The following HDAC9 variants were observed in gnomAD, a reference collection of about 807,000 sequenced individuals.
HDAC9 encodes histone deacetylase 9.
Under a neutral mutation model 139.4 loss-of-function variants are expected in HDAC9, and 41 were observed. The ratio of observed to expected loss-of-function variants is 0.29; its 90% CI spans 0.23 to 0.38. The LOEUF is 0.38. Among genes scored for constraint, HDAC9 ranks in the 10% least tolerant of loss-of-function variants. The probability of loss-of-function intolerance (pLI) is 1.00; values close to 1 mark genes in which losing one functional copy is unlikely to be tolerated. For synonymous variants in HDAC9, 517 were observed against 476.2 expected (o/e 1.09, Z -1.12); for missense variants, 1,147 against 1,297.0 (o/e 0.88, Z 1.78).
At chr7:18,548,294 C>A (rs1313793687) in intron 2 of HDAC9, among the ~76,000 whole-genome samples, 1 of 151,998 alleles carries the variant, frequency 6.6e-6, no homozygotes, top group Non-Finnish European at 1.5e-5. Context: ...TCAAAGATCA[C>A]TGATTACAGA....
rs111474339 is a variant in HDAC9, at chr7:18,407,329, G to T, written c.-41-88933G>T. ...TTCAAAATGTTATTTGAACATCTCT[G>T]CAGTAAGTATAGTTGTTCATCAGGG... On this transcript the variant is annotated intron_variant, in intron 1 of 3. Coordinates refer to the HDAC9 transcript ENST00000413509. 1.7e-3 allele frequency among the ~76,000 whole-genome samples: 254 copies of T among 152,280 alleles called. 1 individual carries two copies. The highest frequency in any genetic ancestry group is 2.6e-3 in the Non-Finnish European group (179 of 68,016).
At chr7:18,422,769 C>G (rs897984069) in intron 1 of HDAC9, among the ~76,000 whole-genome samples, 1 of 151,896 alleles carries the variant, frequency 6.6e-6, no homozygotes, top group Non-Finnish European at 1.5e-5. Context: ...CACACACACA[C>G]ACACACACAC....
intron 1 of HDAC9, among the ~76,000 whole-genome samples, chr7:18,090,349 CAA>C (rs1320047361): frequency 3.3e-5 from 5 of 152,080 alleles, no homozygotes; most frequent in Admixed American, 2.6e-4. Context: ...TTAAATCAGT[CAA>C]TATAGTCATA....
chr7:18,905,746 C>T (rs1301686113), intron 22 of HDAC9, among the ~76,000 whole-genome samples: 1 of 152,150 alleles, frequency 6.6e-6, no homozygotes, highest in Non-Finnish European at 1.5e-5. Flanking sequence ...GTATTTCAGC[C>T]ATCTGTGCAT....
intron 1 of HDAC9, among the ~76,000 whole-genome samples, chr7:18,316,442 T>G (rs1799642868): frequency 6.6e-6 from 1 of 152,078 alleles, no homozygotes; most frequent in African/African-American, 2.4e-5. Flanking sequence ...TATAATGGTT[T>G]TGTGCTGCAT....
At chr7:18,818,482 C>G (rs1456766928) in intron 17 of HDAC9, among the ~76,000 whole-genome samples, 1 of 152,168 alleles carries the variant, frequency 6.6e-6, no homozygotes, top group African/African-American at 2.4e-5. Context: ...ACACAATCAT[C>G]TCATCTCTTG....
chr7:18,590,603 T>C, intron 4 of HDAC9, 117 bp downstream of exon 4: 11 of 1,061,742 alleles, frequency 1.0e-5, no homozygotes, highest in Non-Finnish European at 1.5e-5. Context: ...TGTGTTTAAT[T>C]AAAAGCATAG....
chr7:18,938,893 C>A (rs1263071760), intron 23 of HDAC9, among the ~76,000 whole-genome samples: 1 of 152,190 alleles, frequency 6.6e-6, no homozygotes, highest in Non-Finnish European at 1.5e-5. Flanking sequence ...AGTGTGAGAC[C>A]TGTGCCTTTT....
chr7:18,612,057 A>G (rs967478945), intron 6 of HDAC9, among the ~76,000 whole-genome samples: 2 of 152,158 alleles, frequency 1.3e-5, no homozygotes, highest in Admixed American at 1.3e-4. Flanking sequence ...TGTAAATGTC[A>G]TAGTAGTGCC....
chr7:18,857,203 T>A (rs1037125126), intron 21 of HDAC9, among the ~76,000 whole-genome samples: 6 of 151,936 alleles, frequency 3.9e-5, no homozygotes, highest in Non-Finnish European at 8.8e-5. Flanking sequence ...TCTCTTTTTT[T>A]ATTTTTTTTT....
At chr7:18,623,424 T>G (rs922349718) in intron 6 of HDAC9, among the ~76,000 whole-genome samples, 3 of 152,174 alleles carry the variant, frequency 2.0e-5, no homozygotes, top group Non-Finnish European at 2.9e-5. Context: ...CTCTCTCTAC[T>G]TATTTTTTAT....
upstream of HDAC9, among the ~76,000 whole-genome samples, chr7:18,493,537 C>T (rs148343799): frequency 2.0e-5 from 3 of 151,816 alleles, no homozygotes; most frequent in Non-Finnish European, 4.4e-5. Flanking sequence ...AAGCCTCCTT[C>T]GTTTCCTCAT....
At chr7:18,552,604 C>G (rs1817512000) in intron 2 of HDAC9, among the ~76,000 whole-genome samples, 1 of 152,150 alleles carries the variant, frequency 6.6e-6, no homozygotes, top group South Asian at 2.1e-4. Context: ...TTCTGGTGAG[C>G]AATTTAACTG....
intron 1 of HDAC9, among the ~76,000 whole-genome samples, chr7:18,476,251 T>G (rs555075745): frequency 6.6e-6 from 1 of 152,274 alleles, no homozygotes; most frequent in South Asian, 2.1e-4. Context: ...TGGCATCACC[T>G]TGACAAATTC....
In HDAC9 at chr7:18,144,824, C is replaced by G. The variant is rs376822683; in HGVS notation, c.-96-17405C>G. ...CATCCTCTTTTTTTGCTTGCACAGTCACACATTCTGTTCCCTGTACCTTTT... is the reference window on the plus strand; with the variant it reads ...CATCCTCTTTTTTTGCTTGCACAGTGACACATTCTGTTCCCTGTACCTTTT... On this transcript the variant is annotated intron_variant, in intron 1 of 12. Transcript: ENST00000417496. Among the ~76,000 whole-genome samples, 6 of 152,294 alleles carry G rather than the reference C, an allele frequency of 3.9e-5. No homozygotes were observed. The East Asian group carries it at 1.2e-3, about 29-fold the overall frequency.
intron 25 of HDAC9, among the ~76,000 whole-genome samples, chr7:18,993,683 G>A (rs1448422903): frequency 6.6e-6 from 1 of 151,934 alleles, no homozygotes; most frequent in Non-Finnish European, 1.5e-5. Context: ...CATGCCTGTA[G>A]TCTCAGCTAT....
intron 14 of HDAC9, among the ~76,000 whole-genome samples, chr7:18,755,301 TC>T (rs1276599860): frequency 1.1e-4 from 16 of 152,282 alleles, no homozygotes; most frequent in Non-Finnish European, 1.5e-5. Context: ...TTTAACAATG[TC>T]TGCTAAACAG....
chr7:18,467,452 A>G (rs1051930851), intron 1 of HDAC9, among the ~76,000 whole-genome samples: 10 of 152,198 alleles, frequency 6.6e-5, no homozygotes, highest in Non-Finnish European at 1.5e-4. Context: ...TTCTTGCCTA[A>G]GTTATACTTA....
chr7:18,165,292 G>T (rs1385538578), intron 2 of HDAC9, among the ~76,000 whole-genome samples: 1 of 152,152 alleles, frequency 6.6e-6, no homozygotes, highest in East Asian at 1.9e-4. Context: ...AAGGATACTG[G>T]ATTGTAGAAT....
Sources: allele counts gnomAD v4.1 joint callset (sites outside exome capture counted in the v4.1 genomes callset), GRCh38; gene constraint gnomAD v4.1.1; transcripts MANE v1.5; gene names NCBI Gene and HGNC (gene_info 2026-07-23, HGNC 2026-07-21).